The following ANKS1B variants were observed in gnomAD, a reference collection of about 807,000 sequenced individuals.
The protein encoded by ANKS1B is ankyrin repeat and sterile alpha motif domain containing 1B, also known as ankyrin repeat and sterile alpha motif domain-containing protein 1B.
In ANKS1B, 36 loss-of-function variants were observed where a neutral mutation model predicts 148.3. That is an observed-to-expected ratio of 0.24 (90% CI 0.19 to 0.32). ANKS1B has a LOEUF of 0.32. Among genes scored for constraint, ANKS1B ranks in the 10% least tolerant of loss-of-function variants. The pLI, the probability that ANKS1B is intolerant of heterozygous loss-of-function variation, is 1.00. For synonymous variants in ANKS1B, 542 were observed against 560.8 expected, an observed-to-expected ratio of 0.97 and a Z score of 0.47; for missense variants, 1,157 against 1,542.6, an observed-to-expected ratio of 0.75 and a Z score of 4.19.
chr12:98,967,228 A>G (rs1471209014), intron 17 of ANKS1B, among the ~76,000 whole-genome samples: 1 of 152,126 alleles, frequency 6.6e-6, no homozygotes, highest in Non-Finnish European at 1.5e-5. Context: ...GACTCCTAAT[A>G]TGATTTCTCC....
At position 98,807,051 on chromosome 12, in the gene ANKS1B, A is replaced by G. The variant is rs184143361; in HGVS notation, c.3141+793T>C. Among the ~76,000 whole-genome samples, 140 of 152,300 alleles carry G rather than the reference A, an allele frequency of 9.2e-4. 1 individual carries two copies. The highest frequency in any genetic ancestry group is 3.0e-3 in the African/African-American group (126 of 41,568). On this transcript the variant is annotated intron_variant, in intron 20 of 26. Transcript: ENST00000683438. ...CAGTGATTCTCAACCAAGTGTCTCA[A>G]CCTCTCAGACAGCAGGCTATCCAAT...
chr12:98,786,447 G>C (rs2098795489), intron 22 of ANKS1B, among the ~76,000 whole-genome samples: 1 of 152,116 alleles, frequency 6.6e-6, no homozygotes, highest in African/African-American at 2.4e-5. Flanking sequence ...AAGAGATTTT[G>C]AAATCACCAA....
chr12:99,412,463 C>T (rs2094742594), intron 11 of ANKS1B, among the ~76,000 whole-genome samples: 1 of 152,310 alleles, frequency 6.6e-6, no homozygotes, highest in East Asian at 1.9e-4. Context: ...GTTGCTCAGG[C>T]TTGAGATTCT....
chr12:99,598,565 C>T (rs12315597), intron 9 of ANKS1B, among the ~76,000 whole-genome samples: 2,916 of 152,054 alleles, frequency 0.019, 83 homozygotes, highest in African/African-American at 0.061. Context: ...AGCTTTACTG[C>T]CACTTATACC....
At chr12:99,612,822 C>T (rs1458030356) in intron 9 of ANKS1B, among the ~76,000 whole-genome samples, 1 of 152,070 alleles carries the variant, frequency 6.6e-6, no homozygotes, top group Non-Finnish European at 1.5e-5. Flanking sequence ...TGTTTAGTTT[C>T]TACTTCTCTA....
Position 99,690,009 on chromosome 12 carries a change from T to A in ANKS1B, c.1129-34799A>T, listed in dbSNP as rs372846329. ...TAATTGCCTCACAGTTCCCCATTGC[T>A]AGGGAGGCCTCAGGAAACTTACAAT... On this transcript the variant is annotated intron_variant, in intron 8 of 26. Coordinates refer to ENST00000683438, the MANE Select transcript of ANKS1B (RefSeq NM_001352186.2). 1.1e-4 allele frequency among the ~76,000 whole-genome samples: 17 copies of A among 152,224 alleles called. No homozygotes were observed. In the East Asian group the frequency reaches 1.5e-3, roughly 14 times the overall value.
intron 1 of ANKS1B, among the ~76,000 whole-genome samples, chr12:99,905,781 C>T (rs914347998): frequency 5.9e-4 from 89 of 152,122 alleles, no homozygotes; most frequent in Non-Finnish European, 5.0e-4. Context: ...ATAGAGATAC[C>T]AGTCATATTG....
chr12:99,210,795 C>A (rs1299170526), intron 14 of ANKS1B, among the ~76,000 whole-genome samples: 2 of 152,202 alleles, frequency 1.3e-5, no homozygotes, highest in Non-Finnish European at 2.9e-5. Flanking sequence ...GGCTAAGGTG[C>A]ATACTCCAAA....
intron 17 of ANKS1B, among the ~76,000 whole-genome samples, chr12:98,992,213 C>T (rs1008514215): frequency 8.5e-5 from 13 of 152,180 alleles, no homozygotes; most frequent in Non-Finnish European, 1.6e-4. Flanking sequence ...TTCTGTCCCA[C>T]GGCTTTTACA....
intron 10 of ANKS1B, among the ~76,000 whole-genome samples, chr12:99,495,623 A>G (rs2096596935): frequency 6.6e-6 from 1 of 152,168 alleles, no homozygotes; most frequent in African/African-American, 2.4e-5. Context: ...AGCAAATGCC[A>G]AGTAAATAAT....
At chr12:99,718,583 C>A (rs2057713330) in intron 8 of ANKS1B, among the ~76,000 whole-genome samples, 2 of 152,192 alleles carry the variant, frequency 1.3e-5, no homozygotes, top group Admixed American at 1.3e-4. Flanking sequence ...CCTTACAATT[C>A]CCCTATTTTA....
intron 26 of ANKS1B, among the ~76,000 whole-genome samples, chr12:98,747,934 CCAGAGGCTGGAAAGT>C (rs2097937958): frequency 6.6e-6 from 1 of 151,870 alleles, no homozygotes; most frequent in Non-Finnish European, 1.5e-5. Context: ...ATGGTGGTTA[CCAGAGGCTGGAAAGT>C]GAAGAAGGGA....
At chr12:99,392,511 T>C (rs1327098975) in intron 12 of ANKS1B, among the ~76,000 whole-genome samples, 1 of 152,256 alleles carries the variant, frequency 6.6e-6, no homozygotes, top group African/African-American at 2.4e-5. Flanking sequence ...CAGGAGGTGA[T>C]GGTTTGAAAC....
At chr12:99,387,658 G>A (rs2093922255) in intron 12 of ANKS1B, among the ~76,000 whole-genome samples, 1 of 151,988 alleles carries the variant, frequency 6.6e-6, no homozygotes, top group Non-Finnish European at 1.5e-5. Flanking sequence ...TCCACTGTGT[G>A]AGAACACAGA....
At chr12:99,824,236 G>A (rs549020507) in intron 2 of ANKS1B, among the ~76,000 whole-genome samples, 32 of 152,238 alleles carry the variant, frequency 2.1e-4, no homozygotes, top group South Asian at 1.2e-3. Flanking sequence ...AGGGCCAGGC[G>A]TGGTAGCTCA....
chr12:98,851,528 G>A (rs1281596537), intron 17 of ANKS1B, among the ~76,000 whole-genome samples: 4 of 152,098 alleles, frequency 2.6e-5, no homozygotes, highest in African/African-American at 9.7e-5. Context: ...TTTTGCTAAG[G>A]GGGAACCATA....
chr12:99,885,443 G>A (rs989674569), intron 1 of ANKS1B, among the ~76,000 whole-genome samples: 2 of 151,564 alleles, frequency 1.3e-5, no homozygotes, highest in Admixed American at 1.3e-4. Flanking sequence ...TGGGACTATA[G>A]GCACCTGCTA....
At chr12:99,425,014 T>C (rs2152727928) in intron 11 of ANKS1B, among the ~76,000 whole-genome samples, 1 of 152,144 alleles carries the variant, frequency 6.6e-6, no homozygotes, top group African/African-American at 2.4e-5. Context: ...CTTTCCTTTT[T>C]ATGTCTATAA....
At chr12:98,974,598 G>A (rs1307484178) in intron 17 of ANKS1B, among the ~76,000 whole-genome samples, 1 of 152,114 alleles carries the variant, frequency 6.6e-6, no homozygotes, top group African/African-American at 2.4e-5. Context: ...TCATGAAGTA[G>A]TGCTTCTACA....
Sources: gnomAD v4.1 joint callset for allele counts (sites outside exome capture counted in the v4.1 genomes callset) on GRCh38, gnomAD v4.1.1 for gene constraint, MANE v1.5 for transcripts, NCBI Gene and HGNC (gene_info 2026-07-23, HGNC 2026-07-21) for gene names.